KIF1B: variants seen among roughly 807,000 people sequenced by gnomAD.
KIF1B encodes the protein kinesin family member 1B.
In KIF1B, 76 loss-of-function variants were observed where a neutral mutation model predicts 241.9. The observed-to-expected ratio is 0.31, with a 90% CI of 0.26 to 0.38. KIF1B has a LOEUF of 0.38. KIF1B is among the 10% of genes least tolerant of loss of function. The pLI is 1.00. For missense variants in KIF1B, 1,622 were observed against 2,271.4 expected (o/e 0.71, Z 5.81); for synonymous variants, 750 against 796.7 (o/e 0.94, Z 0.99).
intron 1 of KIF1B, among the ~76,000 whole-genome samples, chr1:10,231,615 G>C (rs1334751498): frequency 6.6e-6 from 1 of 151,958 alleles, no homozygotes; most frequent in African/African-American, 2.4e-5. Context: ...TCGAACTCCT[G>C]ACCTCAAGTG....
At chr1:10,287,481 C>CT (rs1291989244) in intron 15 of KIF1B, among the ~76,000 whole-genome samples, 1 of 152,086 alleles carries the variant, frequency 6.6e-6, no homozygotes, top group Non-Finnish European at 1.5e-5. Flanking sequence ...ATTTTGCAGG[C>CT]TTTTTTCAGC....
chr1:10,348,622 A>G (rs1429755646), intron 36 of KIF1B, 27 bp from the exon 37 acceptor site: 6 of 1,592,374 alleles, frequency 3.8e-6, no homozygotes, highest in Non-Finnish European at 5.2e-6. Context: ...TGCTTCAGCT[A>G]AATTGCAACC....
At chr1:10,318,370 A>G (rs12132134) in intron 22 of KIF1B, among the ~76,000 whole-genome samples, 50,198 of 151,276 alleles carry the variant, frequency 0.33, 8,977 homozygotes, top group Middle Eastern at 0.38. Flanking sequence ...AACAGTGGAT[A>G]GTCATACTTA....
At chr1:10,329,408 G>T (rs1044673785) in intron 27 of KIF1B, among the ~76,000 whole-genome samples, 18 of 152,088 alleles carry the variant, frequency 1.2e-4, no homozygotes, top group African/African-American at 4.3e-4. Flanking sequence ...TCTCCTATTG[G>T]CATATAATTG....
rs766041029 is a variant in KIF1B, at chr1:10,345,867, G to A, written c.3711G>A (p.Thr1237=). 2.0e-5 allele frequency: 33 copies of A among 1,613,992 alleles called. No homozygotes were observed. The South Asian group carries it at 2.4e-4, about 12-fold the overall frequency. The change falls in exon 35 of 49, where the codon ACG becomes ACA. Residue 1237 remains threonine, a synonymous_variant. Coordinates refer to ENST00000676179, the MANE Select transcript of KIF1B (RefSeq NM_001365951.3). The part of the protein sequence containing the change: ...SKPVPATKLN[T]MSKTSLGQSM... ...AAGTTCCAGCCACCAAGTTAAACAC[G>A]ATGAGCAAAACCAGCCTTGGCCAGA...
At chr1:10,267,798 C>T (rs1648552430) in intron 6 of KIF1B, among the ~76,000 whole-genome samples, 1 of 152,104 alleles carries the variant, frequency 6.6e-6, no homozygotes, top group Non-Finnish European at 1.5e-5. Flanking sequence ...AGGTTTTGAT[C>T]AAGTCATGGT....
chr1:10,317,830 CA>C (rs33956409), intron 22 of KIF1B, among the ~76,000 whole-genome samples: 18 of 145,260 alleles, frequency 1.2e-4, no homozygotes, highest in Non-Finnish European at 1.9e-4. Context: ...GACTCCACCT[CA>C]AAAAAAAAAA....
rs1646678512 is a variant in KIF1B, at chr1:10,210,574, T to A, written c.-384T>A. 6.6e-6 allele frequency among the ~76,000 whole-genome samples: 1 copy of A among 152,014 alleles called. No homozygotes were observed. The highest frequency in any genetic ancestry group is 1.5e-5 in the Non-Finnish European group (1 of 67,960). ...TCGCGAGGGCCGAAGCGGGGCAGTG[T>A]GACGGCAGCGGTCCTGGGAGGCGCC... On this transcript the variant is annotated 5_prime_UTR_variant, in exon 1 of 49. Transcript: ENST00000676179. The surrounding 1 kb of genome is among the most constrained non-coding windows in gnomAD (Gnocchi z 4.1).
Position 10,303,970 on chromosome 1 carries a change from T to G in KIF1B, c.2115+6724T>G, listed in dbSNP as rs773573027. 1 of 1,613,848 alleles carries G rather than the reference T, an allele frequency of 6.2e-7. No individual in the cohort carries two copies. On this transcript the variant is annotated intron_variant, in intron 22 of 48. Transcript: ENST00000676179. The surrounding 1 kb of genome is among the most constrained non-coding windows in gnomAD (Gnocchi z 5.2). ...CTGGATGAGGCAAGAGCAAATTCGG[T>G]TTAAGAACTTGCAACAGCAGGAGAT... is the stretch of plus-strand genomic sequence containing the variant.
chr1:10,354,069 GTAACTT>G (rs1390812070), intron 38 of KIF1B, among the ~76,000 whole-genome samples: 7 of 152,152 alleles, frequency 4.6e-5, no homozygotes, highest in African/African-American at 1.7e-4. Flanking sequence ...CTCCATTAGA[GTAACTT>G]TAAGAAGTCC....
intron 2 of KIF1B, among the ~76,000 whole-genome samples, chr1:10,251,698 C>T (rs1024658026): frequency 3.3e-5 from 5 of 151,352 alleles, no homozygotes; most frequent in Non-Finnish European, 7.4e-5. Flanking sequence ...CCTACCATTG[C>T]ACTCCAGCCT....
At chr1:10,313,313 C>T (rs188770739) in intron 22 of KIF1B, among the ~76,000 whole-genome samples, 6 of 151,394 alleles carry the variant, frequency 4.0e-5, no homozygotes, top group African/African-American at 1.5e-4. Flanking sequence ...GTGATCCGTC[C>T]ACCTTGGCCT....
chr1:10,379,864 T>C lies in KIF1B; in HGVS notation c.*3277T>C, dbSNP rs1198582896. The C allele has an allele frequency of 1.3e-5, 3 of 229,518 alleles. No individual in the cohort carries two copies. Among genetic ancestry groups the C allele is most frequent in the Non-Finnish European group, 1.7e-5 (2 of 115,740 alleles). The allele number at this position is 229,518 out of a possible 1,614,324, so 14.2% of individuals were successfully genotyped here. On this transcript the variant is annotated 3_prime_UTR_variant, in exon 49 of 49. Coordinates refer to ENST00000676179, the MANE Select transcript of KIF1B (RefSeq NM_001365951.3). ...GGACTGTGCAGGGCCAGCCAGCCCA[T>C]GCGCTAGTCAGGAGCACAGGCAAGG...
chr1:10,355,114 A>ATGG (rs1652929129), intron 38 of KIF1B, among the ~76,000 whole-genome samples: 1 of 152,138 alleles, frequency 6.6e-6, no homozygotes, highest in Admixed American at 6.5e-5. Flanking sequence ...AGGGGTACTG[A>ATGG]TGGTGGTGGT....
chr1:10,321,145 C>A (rs972044409), intron 23 of KIF1B, among the ~76,000 whole-genome samples: 1 of 151,320 alleles, frequency 6.6e-6, no homozygotes, highest in Non-Finnish European at 1.5e-5. Context: ...ACTTTGTCAC[C>A]CAGGCTTTAG....
intron 1 of KIF1B, among the ~76,000 whole-genome samples, chr1:10,217,681 C>G (rs147031467): frequency 2.0e-4 from 30 of 152,082 alleles, no homozygotes; most frequent in African/African-American, 7.0e-4. Context: ...ACTCCTTTAC[C>G]TCTTTCAAGT....
In KIF1B at chr1:10,261,971, G is replaced by T; in HGVS notation, c.429+1G>T. ...TGAAGAAATGTCTTACTCTGTAGAG[G>T]TGAGTACAGCCGTGAGTTGACACCG... On this transcript the variant is annotated splice_donor_variant, in intron 5 of 48. Transcript: ENST00000676179. LOFTEE classifies it high-confidence loss of function. 1 of 1,606,464 alleles carries T rather than the reference G, an allele frequency of 6.2e-7. No homozygotes were observed. The highest frequency in any genetic ancestry group is 8.5e-7 in the Non-Finnish European group (1 of 1,173,084).
At chr1:10,280,457 A>C (rs1051524240) in intron 14 of KIF1B, among the ~76,000 whole-genome samples, 3 of 151,934 alleles carry the variant, frequency 2.0e-5, no homozygotes, top group African/African-American at 7.3e-5. Flanking sequence ...GATGGTCTCA[A>C]TCTCTTGACC....
At chr1:10,278,462 A>C in intron 13 of KIF1B, 1 of 264,886 alleles carries the variant, frequency 3.8e-6, no homozygotes, top group Non-Finnish European at 7.3e-6. Flanking sequence ...CTGAGCAATT[A>C]ATTACTTCAT....
Sources: allele counts gnomAD v4.1 joint callset (sites outside exome capture counted in the v4.1 genomes callset), GRCh38; gene constraint gnomAD v4.1.1; non-coding constraint Gnocchi (gnomAD v3.1); transcripts MANE v1.5; gene names NCBI Gene and HGNC (gene_info 2026-07-23, HGNC 2026-07-21).